Variants in TMEM132C observed in about 807,000 individuals in gnomAD.
TMEM132C encodes protein phosphatase 1, regulatory subunit 152.
A neutral mutation model predicts 61.4 loss-of-function variants in TMEM132C; 29 were observed. The observed-to-expected ratio is 0.47, with a 90% CI of 0.35 to 0.64. TMEM132C has a LOEUF of 0.64. Among genes scored for constraint, TMEM132C ranks in the 30% least tolerant of loss-of-function variants. TMEM132C has a pLI of 0.00. For missense variants in TMEM132C, 1,408 were observed against 1,476.9 expected, an observed-to-expected ratio of 0.95 and a Z score of 0.76; for synonymous variants, 656 against 633.1, an observed-to-expected ratio of 1.04 and a Z score of -0.54.
At chr12:128,647,541 C>T (rs374698560) in intron 4 of TMEM132C, among the ~76,000 whole-genome samples, 1 of 150,344 alleles carries the variant, frequency 6.7e-6, no homozygotes, top group African/African-American at 2.4e-5. Flanking sequence ...GGTCCATCAG[C>T]GTTTGATGTG....
At chr12:128,342,253 C>T (rs376166219) in intron 1 of TMEM132C, among the ~76,000 whole-genome samples, 14 of 152,162 alleles carry the variant, frequency 9.2e-5, no homozygotes, top group African/African-American at 3.1e-4. Flanking sequence ...GTGATCTGCC[C>T]GCCTCTGCCT....
intron 1 of TMEM132C, among the ~76,000 whole-genome samples, chr12:128,408,645 G>T (rs1486800096): frequency 6.6e-6 from 1 of 152,182 alleles, no homozygotes; most frequent in Non-Finnish European, 1.5e-5. Flanking sequence ...TCATACCTCG[G>T]CAGGGCCTTT....
At chr12:128,468,185 AC>A (rs1870806869) in intron 2 of TMEM132C, among the ~76,000 whole-genome samples, 1 of 152,100 alleles carries the variant, frequency 6.6e-6, no homozygotes, top group South Asian at 2.1e-4. Context: ...GGGAACACCA[AC>A]CCCGGGGTGA....
intron 1 of TMEM132C, among the ~76,000 whole-genome samples, chr12:128,271,073 G>A (rs1870496562): frequency 6.6e-6 from 1 of 151,928 alleles, no homozygotes; most frequent in South Asian, 2.1e-4. Context: ...GGCCAACATG[G>A]TGAAACCCCA....
intron 5 of TMEM132C, among the ~76,000 whole-genome samples, chr12:128,680,989 C>T (rs1459862963): frequency 6.6e-6 from 1 of 152,138 alleles, no homozygotes; most frequent in Non-Finnish European, 1.5e-5. Context: ...CAGTTTGAGA[C>T]CCAGGTGTCT....
At chr12:128,601,899 T>A (rs1173774521) in intron 3 of TMEM132C, among the ~76,000 whole-genome samples, 1 of 152,144 alleles carries the variant, frequency 6.6e-6, no homozygotes, top group Non-Finnish European at 1.5e-5. Flanking sequence ...CTGAGTATGG[T>A]GACCGATTGC....
Position 128,326,434 on chromosome 12 carries a change from C to A in TMEM132C, c.85+58947C>A, listed in dbSNP as rs542985843. 1.3e-5 allele frequency among the ~76,000 whole-genome samples: 2 copies of A among 152,228 alleles called. No homozygotes were observed. The highest frequency in any genetic ancestry group is 4.8e-5 in the African/African-American group (2 of 41,450). On this transcript the variant is annotated intron_variant, in intron 1 of 8. Coordinates refer to ENST00000435159, the MANE Select transcript of TMEM132C (RefSeq NM_001136103.3). The surrounding 1 kb of genome is among the most constrained non-coding windows in gnomAD (Gnocchi z 5.6). ...GAGCCTTTGGCTGACGCTTATCCCCCTCTGGTTCAGATATCTTTGCAAAGG... is the reference window on the plus strand; with the variant it reads ...GAGCCTTTGGCTGACGCTTATCCCCATCTGGTTCAGATATCTTTGCAAAGG...
chr12:128,459,585 G>T (rs541212196), intron 2 of TMEM132C, among the ~76,000 whole-genome samples: 1 of 152,238 alleles, frequency 6.6e-6, no homozygotes, highest in South Asian at 2.1e-4. Flanking sequence ...CAAGTTTTGA[G>T]GGGAAGGTAA....
chr12:128,405,447 C>T (rs539579271), intron 1 of TMEM132C, among the ~76,000 whole-genome samples: 39 of 152,188 alleles, frequency 2.6e-4, no homozygotes, highest in African/African-American at 9.1e-4. Context: ...GGCGCAAAAT[C>T]GCCTGTTCAA....
At chr12:128,345,953 T>A (rs4882693) in intron 1 of TMEM132C, among the ~76,000 whole-genome samples, 130,680 of 152,132 alleles carry the variant, frequency 0.86, 57,612 homozygotes, top group East Asian at 1. Flanking sequence ...TATCATGGAA[T>A]CTTTGCCCAT....
intron 1 of TMEM132C, among the ~76,000 whole-genome samples, chr12:128,286,894 G>A (rs1871092535): frequency 6.6e-6 from 1 of 152,130 alleles, no homozygotes; most frequent in African/African-American, 2.4e-5. Flanking sequence ...TGGAAAACTT[G>A]AGAGAGAGGG....
At chr12:128,644,329 A>G (rs1325001801) in intron 4 of TMEM132C, among the ~76,000 whole-genome samples, 1 of 152,244 alleles carries the variant, frequency 6.6e-6, no homozygotes, top group African/African-American at 2.4e-5. Context: ...CCAAAACCCA[A>G]AATCAATCCA....
At chr12:128,517,121 C>T (rs1334941298) in intron 2 of TMEM132C, among the ~76,000 whole-genome samples, 1 of 151,670 alleles carries the variant, frequency 6.6e-6, no homozygotes, top group Non-Finnish European at 1.5e-5. Flanking sequence ...ATCGCAGCTA[C>T]TCATGAGTCT....
chr12:128,565,542 A>G (rs1329334763), intron 3 of TMEM132C, among the ~76,000 whole-genome samples: 1 of 152,232 alleles, frequency 6.6e-6, no homozygotes, highest in Non-Finnish European at 1.5e-5. Flanking sequence ...GAAGTTCTTC[A>G]TGTCTTTATG....
intron 2 of TMEM132C, among the ~76,000 whole-genome samples, chr12:128,527,334 C>T (rs866076597): frequency 3.3e-5 from 5 of 152,128 alleles, no homozygotes; most frequent in African/African-American, 1.2e-4. Context: ...TGTTTTTTTA[C>T]GAAGGAGTTT....
chr12:128,570,438 C>A lies in TMEM132C; in HGVS notation c.1121+26335C>A. Among the ~76,000 whole-genome samples the A allele has an allele frequency of 6.6e-6, 1 of 152,198 alleles. No individual in the cohort carries two copies. The highest frequency in any genetic ancestry group is 1.9e-4 in the East Asian group (1 of 5,198). ...AATGGGTCTTGGGTTAGACTTCATTCCAGAATTTGCTTGGTTTTGCCTTCT... is the reference window on the plus strand; with the variant it reads ...AATGGGTCTTGGGTTAGACTTCATTACAGAATTTGCTTGGTTTTGCCTTCT... On this transcript the variant is annotated intron_variant, in intron 3 of 8. Coordinates refer to ENST00000435159, the MANE Select transcript of TMEM132C (RefSeq NM_001136103.3). The surrounding 1 kb of genome is among the most constrained non-coding windows in gnomAD (Gnocchi z 4.7).
At chr12:128,517,789 G>A (rs1282531756) in intron 2 of TMEM132C, among the ~76,000 whole-genome samples, 1 of 152,164 alleles carries the variant, frequency 6.6e-6, no homozygotes, top group African/African-American at 2.4e-5. Flanking sequence ...TAGTTTTATG[G>A]AAATGAGATT....
chr12:128,686,071 G>GTGTGTGCATGTGT (rs150789768), intron 5 of TMEM132C, among the ~76,000 whole-genome samples: 79 of 147,370 alleles, frequency 5.4e-4, no homozygotes, highest in Middle Eastern at 3.4e-3. Flanking sequence ...GTGTGCATGC[G>GTGTGTGCATGTGT]TGTGTGCGCA....
chr12:128,476,740 C>T (rs1871167750), intron 2 of TMEM132C, among the ~76,000 whole-genome samples: 1 of 152,218 alleles, frequency 6.6e-6, no homozygotes, highest in Admixed American at 6.5e-5. Context: ...GCCTCACCCC[C>T]TGGCCAGTAA....
Sources: gnomAD v4.1 joint callset for allele counts (sites outside exome capture counted in the v4.1 genomes callset) on GRCh38, gnomAD v4.1.1 for gene constraint, Gnocchi (gnomAD v3.1) non-coding constraint, MANE v1.5 for transcripts, NCBI Gene and HGNC (gene_info 2026-07-23, HGNC 2026-07-21) for gene names.